KIRREL3: variants seen among roughly 807,000 people sequenced by gnomAD.
The protein encoded by KIRREL3 is kin of IRRE-like protein 3.
KIRREL3 carries 36 observed loss-of-function variants against 89.7 expected under a neutral mutation model. That is an observed-to-expected ratio of 0.40 (90% CI 0.31 to 0.53). KIRREL3 has a LOEUF of 0.53. KIRREL3 is among the 20% of genes least tolerant of loss of function. KIRREL3 has a pLI of 0.49. For missense variants in KIRREL3, 864 were observed against 1,056.6 expected (o/e 0.82, Z 2.53); for synonymous variants, 445 against 441.4 (o/e 1.01, Z -0.10).
rs1413655953 is a variant in KIRREL3 at position 126,490,322 on chromosome 11, G to A, written c.434-16856C>T. Among the ~76,000 whole-genome samples, 7 of 152,202 alleles carry A rather than the reference G, an allele frequency of 4.6e-5. No homozygotes were observed. The highest frequency in any genetic ancestry group is 1.0e-4 in the Non-Finnish European group (7 of 68,022). On this transcript the variant is annotated intron_variant, in intron 4 of 16. Coordinates refer to ENST00000525144, the MANE Select transcript of KIRREL3 (RefSeq NM_032531.4). The surrounding 1 kb of genome is among the most constrained non-coding windows in gnomAD (Gnocchi z 4.2). Reference sequence around the variant, plus strand: ...TAATTTGCATTCACTGGACACAGCCGCTAGGGAGAGGTGAGCAGAGCTTTC... The same window carrying A: ...TAATTTGCATTCACTGGACACAGCCACTAGGGAGAGGTGAGCAGAGCTTTC...
intron 1 of KIRREL3, among the ~76,000 whole-genome samples, chr11:126,756,183 CG>C (rs1949494028): frequency 6.6e-6 from 1 of 152,116 alleles, no homozygotes; most frequent in Non-Finnish European, 1.5e-5. Flanking sequence ...TAGAAATGTT[CG>C]AATTAACAAT....
chr11:126,598,361 G>A (rs1345599392), intron 1 of KIRREL3, among the ~76,000 whole-genome samples: 1 of 152,166 alleles, frequency 6.6e-6, no homozygotes, highest in Non-Finnish European at 1.5e-5. Flanking sequence ...TTGTTGGTGT[G>A]GCAGGTTACC....
intron 1 of KIRREL3, among the ~76,000 whole-genome samples, chr11:126,856,593 A>G (rs1358674355): frequency 7.0e-5 from 9 of 128,674 alleles, no homozygotes; most frequent in Admixed American, 2.5e-4. Flanking sequence ...ATATATATAT[A>G]TATGTATATA....
chr11:126,690,755 C>T (rs748137157), intron 1 of KIRREL3, among the ~76,000 whole-genome samples: 11 of 152,160 alleles, frequency 7.2e-5, no homozygotes, highest in Non-Finnish European at 1.0e-4. Context: ...TATCTGATGT[C>T]GAGGAATCTT....
intron 4 of KIRREL3, among the ~76,000 whole-genome samples, chr11:126,502,985 T>C (rs1251643476): frequency 2.0e-5 from 3 of 152,190 alleles, no homozygotes; most frequent in Non-Finnish European, 4.4e-5. Context: ...CCTCATTGGG[T>C]GTCACCAGTA....
chr11:126,520,502 G>A lies in KIRREL3; in HGVS notation c.433+813C>T, dbSNP rs542673459. Among the ~76,000 whole-genome samples, 56 of 152,294 alleles carry A rather than the reference G, an allele frequency of 3.7e-4. No individual in the cohort carries two copies. The highest frequency in any genetic ancestry group is 1.3e-3 in the African/African-American group (53 of 41,564). On this transcript the variant is annotated intron_variant, in intron 4 of 16. Transcript: ENST00000525144. The surrounding 1 kb of genome is among the most constrained non-coding windows in gnomAD (Gnocchi z 4.9). ...TGCCTGAAAGAGCCTAGAGAGCTAC[G>A]GTGAACTGCTTGGCAAATGTGAGCT...
chr11:126,799,836 C>T (rs1950976313), intron 1 of KIRREL3, among the ~76,000 whole-genome samples: 1 of 152,146 alleles, frequency 6.6e-6, no homozygotes, highest in Non-Finnish European at 1.5e-5. Context: ...AGTCTGCTTT[C>T]CAGGGATTGG....
intron 1 of KIRREL3, among the ~76,000 whole-genome samples, chr11:126,950,130 T>C (rs1249538248): frequency 3.3e-5 from 5 of 152,082 alleles, no homozygotes; most frequent in Admixed American, 3.3e-4. Context: ...TCCCAGCAAT[T>C]TGGGAGGCCG....
rs1354263114 is a variant in KIRREL3 at position 126,719,498 on chromosome 11, T to C, written c.56-156586A>G. ...TCTTACTTAGTCCCATGGCTTTCAT[T>C]CCACCCGCATGCTGAAGTCTACTTC... On this transcript the variant is annotated intron_variant, in intron 1 of 16. Transcript: ENST00000525144. The surrounding 1 kb of genome is among the most constrained non-coding windows in gnomAD (Gnocchi z 4.7). Among the ~76,000 whole-genome samples, 1 of 152,172 alleles carries C rather than the reference T, an allele frequency of 6.6e-6. No individual in the cohort carries two copies. The highest frequency in any genetic ancestry group is 1.5e-5 in the Non-Finnish European group (1 of 68,032).
intron 1 of KIRREL3, among the ~76,000 whole-genome samples, chr11:126,678,301 C>G (rs1042565179): frequency 6.6e-6 from 1 of 151,288 alleles, no homozygotes; most frequent in Admixed American, 6.6e-5. Context: ...AGTTGAAGGC[C>G]GAGATAAGAA....
intron 1 of KIRREL3, among the ~76,000 whole-genome samples, chr11:126,859,717 C>T (rs1944646964): frequency 6.6e-6 from 1 of 152,142 alleles, no homozygotes; most frequent in African/African-American, 2.4e-5. Flanking sequence ...TAAGTTTCTC[C>T]CCAAGGTTTC....
rs1956476961 is a variant in KIRREL3 at position 126,459,465 on chromosome 11, C to A, written c.743-3011G>T. Among the ~76,000 whole-genome samples the A allele has an allele frequency of 6.6e-6, 1 of 152,218 alleles. No homozygotes were observed. The highest frequency in any genetic ancestry group is 2.1e-4 in the South Asian group (1 of 4,830). ...CTCACTGGCCATATCTGCACCTCCA[C>A]CCCAAGACCAGAGGTGCCCAAGCTT... On this transcript the variant is annotated intron_variant, in intron 6 of 16. Transcript: ENST00000525144. This position sits in a 1 kb window ranked among gnomAD's most constrained non-coding sequence, Gnocchi z 4.8.
rs1298548044 is a variant in KIRREL3, at chr11:126,484,598, T to A, written c.434-11132A>T. On this transcript the variant is annotated intron_variant, in intron 4 of 16. Coordinates refer to ENST00000525144, the MANE Select transcript of KIRREL3 (RefSeq NM_032531.4). This position sits in a 1 kb window ranked among gnomAD's most constrained non-coding sequence, Gnocchi z 5.2. ...TCAAAGAACAGTAGGCCCTGTTAAA[T>A]GTAAATTTCAGATAAATTAAAAAAT... 6.6e-6 allele frequency among the ~76,000 whole-genome samples: 1 copy of A among 152,208 alleles called. No individual in the cohort carries two copies. Among genetic ancestry groups the A allele is most frequent in the South Asian group, 2.1e-4 (1 of 4,838 alleles).
Position 126,607,125 on chromosome 11 carries a change from C to G in KIRREL3, c.56-44213G>C, listed in dbSNP as rs1337896843. On this transcript the variant is annotated intron_variant, in intron 1 of 16. Coordinates refer to ENST00000525144, the MANE Select transcript of KIRREL3 (RefSeq NM_032531.4). The surrounding 1 kb of genome is among the most constrained non-coding windows in gnomAD (Gnocchi z 6.6). ...TCGTGGGGCTTATGAGTAGCTAGGG[C>G]CTCCCAGGAGGTCGTCAGAGTGGAT... Among the ~76,000 whole-genome samples the G allele has an allele frequency of 6.6e-6, 1 of 152,164 alleles. No homozygotes were observed. The highest frequency in any genetic ancestry group is 1.5e-5 in the Non-Finnish European group (1 of 68,024).
intron 1 of KIRREL3, among the ~76,000 whole-genome samples, chr11:126,716,517 A>T (rs1947967317): frequency 6.6e-6 from 1 of 152,080 alleles, no homozygotes. Context: ...GCCACATCCC[A>T]GGGAAACAGG....
rs532301517 is a variant in KIRREL3 at position 126,872,178 on chromosome 11, A to C, written c.55+128277T>G. On this transcript the variant is annotated intron_variant, in intron 1 of 16. Transcript: ENST00000525144. This position sits in a 1 kb window ranked among gnomAD's most constrained non-coding sequence, Gnocchi z 4.2. ...CCTCTAGTTGTCCTTACTGCTCATT[A>C]ACATAAAAAGATACTTCTAGTAGTG... 6.6e-6 allele frequency among the ~76,000 whole-genome samples: 1 copy of C among 152,366 alleles called. No homozygotes were observed. The highest frequency in any genetic ancestry group is 2.4e-5 in the African/African-American group (1 of 41,594).
intron 7 of KIRREL3, among the ~76,000 whole-genome samples, chr11:126,453,284 G>A (rs556383422): frequency 6.6e-6 from 1 of 152,196 alleles, no homozygotes; most frequent in South Asian, 2.1e-4. Context: ...GCTATCTGCT[G>A]GGGAACACTG....
chr11:126,902,964 T>C (rs1335162551), intron 1 of KIRREL3, among the ~76,000 whole-genome samples: 1 of 152,194 alleles, frequency 6.6e-6, no homozygotes, highest in African/African-American at 2.4e-5. Context: ...ATTTATTTCA[T>C]TACTTCATCT....
chr11:126,501,351 G>T lies in KIRREL3; in HGVS notation c.433+19964C>A, dbSNP rs117802474. 5.3e-5 allele frequency among the ~76,000 whole-genome samples: 8 copies of T among 152,184 alleles called. No homozygotes were observed. Among genetic ancestry groups the T allele is most frequent in the African/African-American group, 1.9e-4 (8 of 41,436 alleles). On this transcript the variant is annotated intron_variant, in intron 4 of 16. Coordinates refer to ENST00000525144, the MANE Select transcript of KIRREL3 (RefSeq NM_032531.4). This position sits in a 1 kb window ranked among gnomAD's most constrained non-coding sequence, Gnocchi z 5.8. ...GTTCACATCTTTAAGAGGGGAAGAC[G>T]GGGCTGCAGAGGGAGAGGAGCCAGC...
Sources: gnomAD v4.1 joint callset for allele counts (sites outside exome capture counted in the v4.1 genomes callset) on GRCh38, gnomAD v4.1.1 for gene constraint, Gnocchi (gnomAD v3.1) non-coding constraint, MANE v1.5 for transcripts, NCBI Gene and HGNC (gene_info 2026-07-23, HGNC 2026-07-21) for gene names.